Variants in TMC7 observed in about 807,000 individuals in gnomAD.
TMC7 encodes the protein transmembrane channel-like protein 7.
A neutral mutation model predicts 82.9 loss-of-function variants in TMC7; 54 were observed. That is an observed-to-expected ratio of 0.65 (90% CI 0.52 to 0.82). The LOEUF is 0.82. Among genes scored for constraint, TMC7 ranks in the 40% least tolerant of loss-of-function variants. The pLI is 0.00. For missense variants in TMC7, 820 were observed against 901.2 expected (o/e 0.91, Z 1.15); for synonymous variants, 350 against 337.9 (o/e 1.04, Z -0.39).
intron 6 of TMC7, among the ~76,000 whole-genome samples, chr16:19,034,614 GTAAATAAA>G (rs71374450): frequency 6.7e-6 from 1 of 150,056 alleles, no homozygotes; most frequent in Non-Finnish European, 1.5e-5. Flanking sequence ...AAATAAATAA[GTAAATAAA>G]TAAATAAATA....
At chr16:18,986,191 C>T (rs992273986) in intron 1 of TMC7, among the ~76,000 whole-genome samples, 3 of 152,036 alleles carry the variant, frequency 2.0e-5, no homozygotes, top group South Asian at 4.2e-4. Flanking sequence ...GTCAGGAAAT[C>T]GAGACCATCC....
At chr16:19,059,906 G>T in intron 15 of TMC7, 1 of 446,448 alleles carries the variant, frequency 2.2e-6, no homozygotes, top group Non-Finnish European at 4.2e-6. Context: ...GAACTCAGGA[G>T]GTGGAGGTCG....
chr16:19,049,760 C>A, intron 12 of TMC7: 1 of 558,576 alleles, frequency 1.8e-6, no homozygotes, highest in Non-Finnish European at 2.3e-6. Flanking sequence ...CACCAAGTAT[C>A]TTCGGTACTC....
chr16:19,002,311 A>G (rs1436638904), intron 1 of TMC7, among the ~76,000 whole-genome samples: 2 of 145,628 alleles, frequency 1.4e-5, no homozygotes, highest in Non-Finnish European at 3.0e-5. Context: ...ATCTCGGCTC[A>G]CTGCAACCCC....
chr16:19,041,947 G>A (rs756883718), intron 9 of TMC7, among the ~76,000 whole-genome samples: 1 of 151,976 alleles, frequency 6.6e-6, no homozygotes, highest in Non-Finnish European at 1.5e-5. Flanking sequence ...TCTGGATTTC[G>A]TCCATTGTTT....
chr16:19,011,506 A>AGAATAAAT, intron 2 of TMC7, among the ~76,000 whole-genome samples: 1 of 137,860 alleles, frequency 7.3e-6, no homozygotes, highest in South Asian at 2.4e-4. Flanking sequence ...CTGTCTTTAC[A>AGAATAAAT]AAATAAATAA....
chr16:18,985,562 T>C lies in TMC7; in HGVS notation c.67+1432T>C, dbSNP rs112578259. Among the ~76,000 whole-genome samples the C allele has an allele frequency of 9.5e-3, 1,454 of 152,300 alleles. 27 individuals carry two copies. Among genetic ancestry groups the C allele is most frequent in the African/African-American group, 0.033 (1,355 of 41,560 alleles). On this transcript the variant is annotated intron_variant, in intron 1 of 15. Transcript: ENST00000304381. ...TATATTGAAGATGTCAAGTTCCTCA[T>C]TTCCCATACAAAGAATGTGAGATTC...
At chr16:19,057,947 A>ATTT (rs35330440) in intron 14 of TMC7, among the ~76,000 whole-genome samples, 84 of 146,274 alleles carry the variant, frequency 5.7e-4, no homozygotes, top group African/African-American at 1.7e-3. Flanking sequence ...CCAGCAGTTG[A>ATTT]TTTTTTTTTT....
chr16:19,012,788 C>CAAAAAAAA (rs139163132), intron 2 of TMC7, among the ~76,000 whole-genome samples: 6 of 66,612 alleles, frequency 9.0e-5, no homozygotes, highest in African/African-American at 4.2e-4. Flanking sequence ...GATTCCATCT[C>CAAAAAAAA]AAAAAAAAAA....
intron 11 of TMC7, among the ~76,000 whole-genome samples, chr16:19,045,668 C>T (rs975083039): frequency 1.4e-4 from 20 of 146,282 alleles, no homozygotes; most frequent in Non-Finnish European, 2.5e-4. Flanking sequence ...GCGATCTTGG[C>T]TCACTGCAAC....
intron 3 of TMC7, among the ~76,000 whole-genome samples, chr16:19,017,662 A>G: frequency 7.3e-6 from 1 of 136,290 alleles, no homozygotes; most frequent in Non-Finnish European, 1.5e-5. Flanking sequence ...CCTCTTCAAA[A>G]AACAGTTTTT....
At chr16:19,016,369 C>A in intron 2 of TMC7, 81 bp from the exon 3 acceptor site, 8 of 1,556,446 alleles carry the variant, frequency 5.1e-6, no homozygotes, top group Non-Finnish European at 7.0e-6. Context: ...GGATTACAGG[C>A]GTGAGCTACT....
intron 2 of TMC7, among the ~76,000 whole-genome samples, chr16:19,011,210 A>G (rs1959320970): frequency 6.6e-6 from 1 of 152,186 alleles, no homozygotes; most frequent in South Asian, 2.1e-4. Flanking sequence ...AAGTGTCTCC[A>G]GCTAGTGCCA....
At chr16:19,052,533 C>T (rs1184555197) in intron 13 of TMC7, among the ~76,000 whole-genome samples, 1 of 152,100 alleles carries the variant, frequency 6.6e-6, no homozygotes, top group East Asian at 1.9e-4. Context: ...AAAGCCTGTA[C>T]TGGGTGCGGT....
At position 19,063,801 on chromosome 16, in the gene TMC7, A is replaced by T. The variant is rs1057412240; in HGVS notation, c.*1958A>T. On this transcript the variant is annotated 3_prime_UTR_variant, in exon 16 of 16. Transcript: ENST00000304381. ...TTTTAGTTAAATGCTGCTAATATGC[A>T]TACCTCTTACTTGAAGGTTTTTAAT... 3.9e-5 allele frequency: 6 copies of T among 152,168 alleles called. No individual in the cohort carries two copies. Among genetic ancestry groups the T allele is most frequent in the African/African-American group, 1.4e-4 (6 of 41,446 alleles). The allele number at this position is 152,168 out of a possible 1,614,324, so 9.4% of individuals were successfully genotyped here.
chr16:19,027,061 C>CTTTTT lies in TMC7; in HGVS notation c.712-3141_712-3137dup, dbSNP rs35769515. Among the ~76,000 whole-genome samples, 40 of 56,578 alleles carry CTTTTT rather than the reference C, an allele frequency of 7.1e-4. 3 individuals are homozygous for CTTTTT. The highest frequency in any genetic ancestry group is 9.9e-4 in the African/African-American group (13 of 13,114). The allele number at this position is 56,578 out of a possible 152,430, so 37.1% of individuals were successfully genotyped here. A position where few individuals can be genotyped will look rare whatever the true frequency, so the allele number is the denominator to read the frequency against. On this transcript the variant is annotated intron_variant, in intron 5 of 15. Transcript: ENST00000304381. ...ACAGGCATGAGCCACCACACCTGAC[C>CTTTTT]TTTTTTTTTTTTTTTTTTTTTTTTT... is the stretch of plus-strand genomic sequence containing the variant.
intron 1 of TMC7, among the ~76,000 whole-genome samples, chr16:18,990,085 A>G (rs901354456): frequency 3.3e-5 from 5 of 152,082 alleles, no homozygotes; most frequent in Non-Finnish European, 7.4e-5. Context: ...GGATCTCACA[A>G]AGTACATTCT....
intron 13 of TMC7, among the ~76,000 whole-genome samples, chr16:19,055,046 C>T (rs1449196129): frequency 6.6e-6 from 1 of 151,752 alleles, no homozygotes; most frequent in Non-Finnish European, 1.5e-5. Context: ...CCGCACCTGG[C>T]CATATTGTTA....
intron 3 of TMC7, among the ~76,000 whole-genome samples, chr16:19,021,315 T>C (rs1959962888): frequency 6.6e-6 from 1 of 152,074 alleles, no homozygotes; most frequent in African/African-American, 2.4e-5. Context: ...TATGTTCAGG[T>C]GATTATTTCC....
Sources: gnomAD v4.1 joint callset for allele counts (sites outside exome capture counted in the v4.1 genomes callset) on GRCh38, gnomAD v4.1.1 for gene constraint, MANE v1.5 for transcripts, NCBI Gene and HGNC (gene_info 2026-07-23, HGNC 2026-07-21) for gene names.